Variants in DPP6 observed in about 807,000 individuals in gnomAD.
The protein encoded by DPP6 is A-type potassium channel modulatory protein DPP6.
DPP6 carries 69 observed loss-of-function variants against 122.6 expected under a neutral mutation model. That is an observed-to-expected ratio of 0.56 (90% confidence interval 0.46 to 0.69). The LOEUF is 0.69. Ranked by LOEUF, DPP6 falls within the 30% of genes least tolerant of loss-of-function variation. The pLI is 0.00. For missense variants in DPP6, 928 were observed against 1,116.9 expected, an observed-to-expected ratio of 0.83 and a Z score of 2.41; for synonymous variants, 418 against 433.1, an observed-to-expected ratio of 0.97 and a Z score of 0.43.
rs1832114351 is a variant in DPP6, at chr7:154,582,127, C to G, written c.627+15211C>G. 2.0e-5 allele frequency among the ~76,000 whole-genome samples: 3 copies of G among 152,204 alleles called. No individual in the cohort carries two copies. In the South Asian group the frequency reaches 6.2e-4, roughly 32 times the overall value. ...TCCCAAAGGGACCAGCCACCACCTG[C>G]ACTCCTCGTCCTGGTGGAAACAGTC... On this transcript the variant is annotated intron_variant, in intron 5 of 25. Transcript: ENST00000377770.
At chr7:153,792,517 A>AT in the DPP6 span, among the ~76,000 whole-genome samples, 3 of 152,180 alleles carry the variant, frequency 2.0e-5, no homozygotes, top group Non-Finnish European at 4.4e-5. Context: ...TTTTAGCAAC[A>AT]AATTCAATTT....
the DPP6 span, among the ~76,000 whole-genome samples, chr7:153,836,138 C>T: frequency 6.6e-6 from 1 of 152,204 alleles, no homozygotes; most frequent in South Asian, 2.1e-4. Context: ...AACATTTATA[C>T]GTGCACACTC....
chr7:154,433,814 C>T (rs550892838), intron 1 of DPP6, among the ~76,000 whole-genome samples: 1 of 152,330 alleles, frequency 6.6e-6, no homozygotes, highest in South Asian at 2.1e-4. Context: ...TGATTACCTT[C>T]GCGTTTCCTT....
In DPP6 at chr7:154,643,282, T is replaced by C. The variant is rs545144026; in HGVS notation, c.680+5409T>C. Among the ~76,000 whole-genome samples the C allele has an allele frequency of 3.9e-4, 60 of 152,242 alleles. 1 individual carries two copies. The highest frequency in any genetic ancestry group is 1.3e-3 in the African/African-American group (54 of 41,526). On this transcript the variant is annotated intron_variant, in intron 6 of 25. Coordinates refer to ENST00000377770, the MANE Select transcript of DPP6 (RefSeq NM_130797.4). ...CATTCTGACCTTCTGCAATTAACTT[T>C]CCAGCATTCTTGTTTTGCCTCCAAT...
At chr7:154,434,143 A>G (rs994459348) in intron 1 of DPP6, among the ~76,000 whole-genome samples, 1 of 152,206 alleles carries the variant, frequency 6.6e-6, no homozygotes, top group Non-Finnish European at 1.5e-5. Flanking sequence ...AACAGTCTGA[A>G]TTTTGTTTAA....
chr7:154,764,153 C>T (rs527246612), intron 8 of DPP6, among the ~76,000 whole-genome samples: 4 of 152,270 alleles, frequency 2.6e-5, no homozygotes, highest in South Asian at 4.1e-4. Context: ...TGTCCTTTCC[C>T]GGGCTTGGGT....
At chr7:154,089,944 G>A (rs1441949569) in intron 1 of DPP6, among the ~76,000 whole-genome samples, 1 of 152,194 alleles carries the variant, frequency 6.6e-6, no homozygotes, top group African/African-American at 2.4e-5. Context: ...CTGGCATAGG[G>A]TTCAAGACCA....
chr7:153,845,101 T>TCAATGTAATAGA, the DPP6 span, among the ~76,000 whole-genome samples: 1 of 152,216 alleles, frequency 6.6e-6, no homozygotes, highest in Admixed American at 6.5e-5. Context: ...GGAATGATCA[T>TCAATGTAATAGA]CAATGTAATA....
chr7:154,121,791 G>A (rs1356359711), intron 1 of DPP6, among the ~76,000 whole-genome samples: 1 of 152,138 alleles, frequency 6.6e-6, no homozygotes. Flanking sequence ...AATATACCTC[G>A]CTTCTAATGT....
chr7:153,816,460 TG>T, the DPP6 span, among the ~76,000 whole-genome samples: 1 of 152,216 alleles, frequency 6.6e-6, no homozygotes, highest in Non-Finnish European at 1.5e-5. Context: ...TGGAAGTAAC[TG>T]TTTCCCTTAT....
chr7:154,240,372 C>A (rs540802539), intron 1 of DPP6, among the ~76,000 whole-genome samples: 1 of 152,152 alleles, frequency 6.6e-6, no homozygotes, highest in Non-Finnish European at 1.5e-5. Flanking sequence ...ACTGACCAGC[C>A]TTCCCTGACT....
the DPP6 span, among the ~76,000 whole-genome samples, chr7:153,749,126 G>A: frequency 6.6e-6 from 1 of 152,106 alleles, no homozygotes; most frequent in Non-Finnish European, 1.5e-5. This position sits in a 1 kb window ranked among gnomAD's most constrained non-coding sequence, Gnocchi z 4.1. Flanking sequence ...GCAGCCGCTG[G>A]TGCGTCTGCA....
At chr7:154,269,616 T>G (rs1340008825) in intron 1 of DPP6, among the ~76,000 whole-genome samples, 1 of 152,214 alleles carries the variant, frequency 6.6e-6, no homozygotes, top group Non-Finnish European at 1.5e-5. Context: ...CTCCTGATCA[T>G]GGACAAGTTC....
intron 1 of DPP6, among the ~76,000 whole-genome samples, chr7:154,113,394 C>CATATAT (rs143477890): frequency 6.9e-4 from 96 of 139,194 alleles, no homozygotes; most frequent in African/African-American, 2.2e-3. Flanking sequence ...TGTTTTCCTA[C>CATATAT]ATATATATAT....
In DPP6 at chr7:154,187,838, T is replaced by TA. The variant is rs535755521; in HGVS notation, c.243+134785dup. On this transcript the variant is annotated intron_variant, in intron 1 of 25. Coordinates refer to ENST00000377770, the MANE Select transcript of DPP6 (RefSeq NM_130797.4). ...TACATTATTATCTCCTAGAAAGCTTTAAAAAAAAAACTTCTGATGCCGAGA... is the reference window on the plus strand; with the variant it reads ...TACATTATTATCTCCTAGAAAGCTTTAAAAAAAAAAACTTCTGATGCCGAGA... Among the ~76,000 whole-genome samples the TA allele has an allele frequency of 3.5e-4, 53 of 149,636 alleles. No homozygotes were observed. In the East Asian group the frequency reaches 3.9e-3, roughly 11 times the overall value.
rs113873730 is a variant in DPP6 at position 153,924,842 on chromosome 7, G to C, written c.51+37108G>C. 8.7e-3 allele frequency among the ~76,000 whole-genome samples: 1,324 copies of C among 152,314 alleles called. 7 individuals are homozygous for C. The highest frequency in any genetic ancestry group is 0.014 in the Non-Finnish European group (961 of 68,036). ...CAGCCCAAGTGCTCCGTTGGTTCAG[G>C]GGGTAGCAGGGGTCCATGGAGAAGT... On this transcript the variant is annotated intron_variant, in intron 1 of 25. Coordinates refer to the DPP6 transcript ENST00000404039.
At chr7:154,318,541 A>G (rs1372125443) in intron 1 of DPP6, among the ~76,000 whole-genome samples, 1 of 152,188 alleles carries the variant, frequency 6.6e-6, no homozygotes, top group African/African-American at 2.4e-5. Flanking sequence ...TGATTTGTAC[A>G]CTGATAAAAC....
At chr7:154,240,716 A>G (rs1414099145) in intron 1 of DPP6, among the ~76,000 whole-genome samples, 4 of 152,194 alleles carry the variant, frequency 2.6e-5, no homozygotes, top group Non-Finnish European at 5.9e-5. Flanking sequence ...ATTCATATTC[A>G]GTTTTCCACC....
intron 1 of DPP6, among the ~76,000 whole-genome samples, chr7:154,355,029 C>CT (rs1317237722): frequency 6.6e-6 from 1 of 152,158 alleles, no homozygotes; most frequent in African/African-American, 2.4e-5. Flanking sequence ...AGGGGTGAGG[C>CT]TGTTTTGGTG....
Sources: gnomAD v4.1 joint callset for allele counts (sites outside exome capture counted in the v4.1 genomes callset) on GRCh38, gnomAD v4.1.1 for gene constraint, Gnocchi (gnomAD v3.1) non-coding constraint, MANE v1.5 for transcripts, NCBI Gene and HGNC (gene_info 2026-07-23, HGNC 2026-07-21) for gene names.